The following AK3 variants were observed in gnomAD, a reference collection of about 807,000 sequenced individuals.
The protein encoded by AK3 is adenylate kinase 3, also known as GTP:AMP phosphotransferase AK3, mitochondrial.
A neutral mutation model predicts 23.7 loss-of-function variants in AK3; 27 were observed. The ratio of observed to expected loss-of-function variants is 1.14; its 90% CI spans 0.84 to 1.57. AK3 has a LOEUF of 1.57. AK3 is among the 40% of genes most tolerant of loss of function. AK3 has a pLI of 0.00. For synonymous variants in AK3, 159 were observed against 116.0 expected (o/e 1.37, Z -2.38); for missense variants, 406 against 285.6 (o/e 1.42, Z -3.04).
In AK3 at chr9:4,712,117, A is replaced by G. The variant is rs1841577525; in HGVS notation, c.*859T>C. The G allele has an allele frequency of 6.6e-6, 1 of 152,154 alleles. No homozygotes were observed. Among genetic ancestry groups the G allele is most frequent in the Non-Finnish European group, 1.5e-5 (1 of 68,018 alleles). 9.4% of individuals were successfully genotyped at this position (152,154 alleles called of 1,614,324 possible). On this transcript the variant is annotated 3_prime_UTR_variant, in exon 5 of 5. Coordinates refer to ENST00000381809, the MANE Select transcript of AK3 (RefSeq NM_016282.4). ...AACTTGTTATTTATCAGGGCAGATC[A>G]CACATTTGGATCAAAAAGAAAAACC...
chr9:4,735,386 T>A (rs866108106), intron 1 of AK3, among the ~76,000 whole-genome samples: 22 of 86,556 alleles, frequency 2.5e-4, no homozygotes, highest in Admixed American at 5.9e-4. Context: ...TATATACATA[T>A]ATAAATATAT....
At chr9:4,713,982 A>ACCTCCACATATATG (rs1841636569) in intron 4 of AK3, among the ~76,000 whole-genome samples, 10 of 5,346 alleles carry the variant, frequency 1.9e-3, no homozygotes, top group East Asian at 3.6e-3. Context: ...ACATTTACAC[A>ACCTCCACATATATG]CCTACACATA....
chr9:4,738,708 T>C (rs1375765051), intron 1 of AK3, among the ~76,000 whole-genome samples: 1 of 151,752 alleles, frequency 6.6e-6, no homozygotes, highest in Non-Finnish European at 1.5e-5. Flanking sequence ...TTACCTTTTT[T>C]ACATTTGCAT....
At position 4,722,402 on chromosome 9, in the gene AK3, C is replaced by T. The variant is rs367908486; in HGVS notation, c.271+104G>A. ...AGGATAGTCCCAAGCACCCCTCTCC[C>T]CAAACCACCATCCTTGACGTCTGTC... On this transcript the variant is annotated intron_variant, in intron 2 of 4. Coordinates refer to ENST00000381809, the MANE Select transcript of AK3 (RefSeq NM_016282.4). The T allele has an allele frequency of 9.1e-6, 14 of 1,540,188 alleles. No homozygotes were observed. In the East Asian group the frequency reaches 3.2e-4, roughly 35 times the overall value.
chr9:4,741,036 A>T lies in AK3; in HGVS notation c.52T>A (p.Ser18Thr), dbSNP rs1307472474. 5.1e-6 allele frequency: 8 copies of T among 1,579,414 alleles called. No individual in the cohort carries two copies. Among genetic ancestry groups the T allele is most frequent in the Admixed American group, 1.8e-5 (1 of 55,094 alleles). ...CGCGACGACACGGTGCCCTTGCCCGAGCCCGGGGCCCCCATGATCACCGCT... is the reference window on the plus strand; with the variant it reads ...CGCGACGACACGGTGCCCTTGCCCGTGCCCGGGGCCCCCATGATCACCGCT... Reference protein sequence around the residue: ...LRAVIMGAPGSGKGTVSSRIT... With the variant: ...LRAVIMGAPGTGKGTVSSRIT... Residue 18 changes from serine to threonine, a missense_variant, in exon 1 of 5, where the codon TCG becomes ACG. Coordinates refer to ENST00000381809, the MANE Select transcript of AK3 (RefSeq NM_016282.4).
upstream of AK3, chr9:4,741,579 C>G (rs1040947288): frequency 6.5e-6 from 1 of 153,484 alleles, no homozygotes; most frequent in African/African-American, 2.4e-5. Flanking sequence ...TCCCCTCTGT[C>G]CGACCTTGGC....
In AK3 at chr9:4,741,155, C is replaced by T; in HGVS notation, c.-68G>A. ...GGCCTGGCCTGCGCGCTCACCCGCT[C>T]GGCAGCCTGCGCCGGCCGGCTAGCA... On this transcript the variant is annotated 5_prime_UTR_variant, in exon 1 of 5. Coordinates refer to ENST00000381809, the MANE Select transcript of AK3 (RefSeq NM_016282.4). 2.3e-6 allele frequency: 3 copies of T among 1,327,172 alleles called. No individual in the cohort carries two copies. The highest frequency in any genetic ancestry group is 2.9e-6 in the Non-Finnish European group (3 of 1,035,688). 82.2% of individuals were successfully genotyped at this position (1,327,172 alleles called of 1,614,324 possible).
At chr9:4,740,187 T>C (rs575029827) in intron 1 of AK3, among the ~76,000 whole-genome samples, 1 of 152,136 alleles carries the variant, frequency 6.6e-6, no homozygotes, top group Non-Finnish European at 1.5e-5. Flanking sequence ...CAACATTTTT[T>C]GAGAAAAAAA....
At chr9:4,739,355 T>C (rs1296289449) in intron 1 of AK3, among the ~76,000 whole-genome samples, 1 of 151,672 alleles carries the variant, frequency 6.6e-6, no homozygotes, top group Non-Finnish European at 1.5e-5. Flanking sequence ...TGCGCCTCGC[T>C]AATTGTTTTT....
chr9:4,738,975 T>C (rs1045766659), intron 1 of AK3, among the ~76,000 whole-genome samples: 3 of 152,004 alleles, frequency 2.0e-5, no homozygotes, highest in Non-Finnish European at 4.4e-5. Flanking sequence ...GGTTTCGTCA[T>C]GTTGCCTAGG....
chr9:4,719,626 C>T (rs531292288), intron 2 of AK3, among the ~76,000 whole-genome samples: 1 of 152,096 alleles, frequency 6.6e-6, no homozygotes, highest in African/African-American at 2.4e-5. Context: ...ATGGGTGGGC[C>T]TTATCTAATC....
At chr9:4,725,609 A>T (rs1452330153) in intron 1 of AK3, among the ~76,000 whole-genome samples, 1 of 152,136 alleles carries the variant, frequency 6.6e-6, no homozygotes, top group Non-Finnish European at 1.5e-5. Flanking sequence ...TCTCTTAAAA[A>T]AGAAACGAAA....
chr9:4,729,015 A>ATATATATATT (rs71326127), intron 1 of AK3, among the ~76,000 whole-genome samples: 10 of 129,446 alleles, frequency 7.7e-5, no homozygotes, highest in South Asian at 2.5e-4. Context: ...ATATATATAT[A>ATATATATATT]TTTTTTTTTT....
At chr9:4,714,454 A>AT (rs942614224) in intron 4 of AK3, among the ~76,000 whole-genome samples, 5 of 152,220 alleles carry the variant, frequency 3.3e-5, no homozygotes, top group African/African-American at 4.8e-5. Flanking sequence ...AAGGAAGGAA[A>AT]TTATGCAAAT....
chr9:4,719,127 C>G lies in AK3; in HGVS notation c.444+8G>C, dbSNP rs761516924. On this transcript the variant is annotated splice_region_variant and intron_variant, in intron 3 of 4. Transcript: ENST00000381809. Reference sequence around the variant, plus strand: ...CTGCTATGTGACAGTTCCACAACAACTACTCACCACAGTTTTGGGAGGGTT... The same window carrying G: ...CTGCTATGTGACAGTTCCACAACAAGTACTCACCACAGTTTTGGGAGGGTT... 5.6e-6 allele frequency: 9 copies of G among 1,611,810 alleles called. No individual in the cohort carries two copies. Among genetic ancestry groups the G allele is most frequent in the Non-Finnish European group, 7.6e-6 (9 of 1,179,774 alleles).
Position 4,713,005 on chromosome 9 carries a change from T to C in AK3, c.655A>G (p.Arg219Gly). ...YAFLQTKVPQRSQKASVTP is the reference protein window; with the variant it reads ...YAFLQTKVPQGSQKASVTP The stretch of plus-strand genomic sequence containing the variant: ...GGAGTAACTGAAGCTTTCTGGCTTC[T>C]TTGTGGAACTTTAGTTTGTAGGAAA... The change falls in exon 5 of 5, where the codon AGA (arginine) becomes GGA (glycine). Residue 219 changes from arginine to glycine, a missense_variant. Arg to Gly is a moderately radical substitution (Grantham distance 125). Coordinates refer to ENST00000381809, the MANE Select transcript of AK3 (RefSeq NM_016282.4). 1 of 1,613,758 alleles carries C rather than the reference T, an allele frequency of 6.2e-7. No homozygotes were observed. Among genetic ancestry groups the C allele is most frequent in the Non-Finnish European group, 8.5e-7 (1 of 1,179,760 alleles).
intron 4 of AK3, among the ~76,000 whole-genome samples, chr9:4,716,631 A>C (rs1179682038): frequency 6.6e-6 from 1 of 152,216 alleles, no homozygotes; most frequent in African/African-American, 2.4e-5. Context: ...CTCCAGAAAA[A>C]ATTAAGATGG....
intron 1 of AK3, among the ~76,000 whole-genome samples, chr9:4,725,283 C>G (rs1409510499): frequency 6.6e-6 from 1 of 151,646 alleles, no homozygotes; most frequent in African/African-American, 2.4e-5. Flanking sequence ...TCCCAAAGTG[C>G]TGGGATTACA....
At chr9:4,723,145 G>A (rs1289239942) in intron 1 of AK3, among the ~76,000 whole-genome samples, 1 of 152,108 alleles carries the variant, frequency 6.6e-6, no homozygotes, top group Non-Finnish European at 1.5e-5. Flanking sequence ...ATATATAAAT[G>A]TAAATATATA....
Sources: allele counts gnomAD v4.1 joint callset (sites outside exome capture counted in the v4.1 genomes callset), GRCh38; gene constraint gnomAD v4.1.1; transcripts MANE v1.5; gene names NCBI Gene and HGNC (gene_info 2026-07-23, HGNC 2026-07-21).